PSD2: variants seen among roughly 807,000 people sequenced by gnomAD.
The protein encoded by PSD2 is PH and SEC7 domain-containing protein 2.
Under a neutral mutation model 69.8 loss-of-function variants are expected in PSD2, and 38 were observed. The observed-to-expected ratio is 0.54, with a 90% confidence interval of 0.42 to 0.71. PSD2 has a LOEUF of 0.71. Among genes scored for constraint, PSD2 ranks in the 30% least tolerant of loss-of-function variants. The pLI is 0.00. For missense variants in PSD2, 943 were observed against 1,014.5 expected (o/e 0.93, Z 0.96); for synonymous variants, 412 against 423.0 (o/e 0.97, Z 0.32).
At chr5:139,768,148 C>T in the PSD2 span, among the ~76,000 whole-genome samples, 1 of 152,188 alleles carries the variant, frequency 6.6e-6, no homozygotes, top group Non-Finnish European at 1.5e-5. Flanking sequence ...TGCCCCGGAA[C>T]CTGGAACCTT....
chr5:139,783,017 C>T, the PSD2 span, among the ~76,000 whole-genome samples: 3 of 152,338 alleles, frequency 2.0e-5, no homozygotes, highest in Non-Finnish European at 4.4e-5. Flanking sequence ...GCTCTCCCTC[C>T]AGCCTCTGGT....
intron 8 of PSD2, among the ~76,000 whole-genome samples, chr5:139,834,013 T>C (rs1401522617): frequency 6.6e-6 from 1 of 152,176 alleles, no homozygotes; most frequent in Non-Finnish European, 1.5e-5. Context: ...AGTACTCCAT[T>C]ACCACCATTA....
At chr5:139,766,907 C>CCCTCCCTTCCTT in the PSD2 span, among the ~76,000 whole-genome samples, 2 of 48,438 alleles carry the variant, frequency 4.1e-5, no homozygotes, top group African/African-American at 1.2e-4. Context: ...CTCTTTCCCT[C>CCCTCCCTTCCTT]CCTTCCTTCC....
At position 139,814,381 on chromosome 5, in the gene PSD2, C is replaced by A. The variant is rs1267334917; in HGVS notation, c.1016+17C>A. On this transcript the variant is annotated intron_variant, in intron 4 of 14. Coordinates refer to ENST00000274710, the MANE Select transcript of PSD2 (RefSeq NM_032289.4). This position sits in a 1 kb window ranked among gnomAD's most constrained non-coding sequence, Gnocchi z 4.4. ...GGGCAAGAAGTGAGTGTGAGCTCCC[C>A]TGCCCCCAACCCTGGGCAAACCTCG... 1.3e-6 allele frequency: 2 copies of A among 1,578,856 alleles called. No homozygotes were observed. Among genetic ancestry groups the A allele is most frequent in the Admixed American group, 1.8e-5 (1 of 55,662 alleles).
chr5:139,818,571 C>A (rs1561599761), intron 5 of PSD2, among the ~76,000 whole-genome samples: 1 of 152,134 alleles, frequency 6.6e-6, no homozygotes. Flanking sequence ...CAAACAAAAA[C>A]CACATACAAA....
At chr5:139,796,211 T>G (rs1334956395) in intron 1 of PSD2, among the ~76,000 whole-genome samples, 2 of 151,754 alleles carry the variant, frequency 1.3e-5, no homozygotes, top group Non-Finnish European at 2.9e-5. Context: ...GCTGGCCGGG[T>G]CTGGGCCGGG....
chr5:139,777,245 T>A, the PSD2 span, among the ~76,000 whole-genome samples: 1 of 152,210 alleles, frequency 6.6e-6, no homozygotes, highest in East Asian at 1.9e-4. Flanking sequence ...TTTTTCTCAA[T>A]ACACAAAAAA....
At chr5:139,779,912 T>A in the PSD2 span, among the ~76,000 whole-genome samples, 1 of 152,248 alleles carries the variant, frequency 6.6e-6, no homozygotes, top group East Asian at 1.9e-4. Flanking sequence ...TAATAGTTTG[T>A]TAATCCATTT....
the PSD2 span, among the ~76,000 whole-genome samples, chr5:139,766,828 C>CT: frequency 1.2e-3 from 108 of 87,812 alleles, 1 homozygote; most frequent in Middle Eastern, 6.3e-3. Context: ...AAGTCCCTTC[C>CT]TTCTTTCTTT....
At chr5:139,748,472 C>T in the PSD2 span, among the ~76,000 whole-genome samples, 1 of 152,198 alleles carries the variant, frequency 6.6e-6, no homozygotes, top group Non-Finnish European at 1.5e-5. Context: ...AGTACACTCC[C>T]AACCACCACC....
At chr5:139,782,684 G>C in the PSD2 span, among the ~76,000 whole-genome samples, 3 of 149,206 alleles carry the variant, frequency 2.0e-5, no homozygotes, top group African/African-American at 7.4e-5. Flanking sequence ...GTATAGACAG[G>C]GTTTCACCGT....
intron 9 of PSD2, 130 bp downstream of exon 9, chr5:139,835,896 T>C: frequency 1.2e-6 from 1 of 851,670 alleles, no homozygotes; most frequent in Non-Finnish European, 2.0e-6. Flanking sequence ...CTGATACCTG[T>C]GTCTAGCTGG....
At chr5:139,799,186 C>G (rs1314363179) in intron 1 of PSD2, among the ~76,000 whole-genome samples, 2 of 152,152 alleles carry the variant, frequency 1.3e-5, no homozygotes, top group Non-Finnish European at 2.9e-5. Context: ...TCACTTGGCT[C>G]AGGGGTCCCT....
chr5:139,758,475 A>G, the PSD2 span, among the ~76,000 whole-genome samples: 1 of 151,980 alleles, frequency 6.6e-6, no homozygotes, highest in African/African-American at 2.4e-5. Flanking sequence ...GCCTCGAAGG[A>G]TCTTGAAAGT....
chr5:139,809,716 T>C lies in PSD2; in HGVS notation c.276T>C (p.Asp92=). 1 of 1,614,196 alleles carries C rather than the reference T, an allele frequency of 6.2e-7. No individual in the cohort carries two copies. The highest frequency in any genetic ancestry group is 2.2e-5 in the East Asian group (1 of 44,874). The part of the protein sequence containing the change: ...ALGPDLNILE[D]SAESRPWRAG... ...GGCCAGACTTGAACATTCTGGAAGATTCAGCGGAGTCCAGGCCCTGGAGGG... is the reference window on the plus strand; with the variant it reads ...GGCCAGACTTGAACATTCTGGAAGACTCAGCGGAGTCCAGGCCCTGGAGGG... Residue 92 remains aspartate, a synonymous_variant, in exon 2 of 15, where the codon GAT becomes GAC. Transcript: ENST00000274710.
chr5:139,791,231 A>C (rs1417125001), upstream of PSD2, among the ~76,000 whole-genome samples: 1 of 151,986 alleles, frequency 6.6e-6, no homozygotes, highest in Non-Finnish European at 1.5e-5. Context: ...GGAAGTCAAG[A>C]CCAGCCTGGG....
At chr5:139,792,904 TTCC>T (rs1479116053), upstream of PSD2, among the ~76,000 whole-genome samples, 4 of 147,306 alleles carry the variant, frequency 2.7e-5, no homozygotes, top group Admixed American at 2.7e-4. Context: ...CCTTCCTTCC[TTCC>T]TTCTTTCTTT....
chr5:139,835,602 C>G (rs1156331883), intron 8 of PSD2, 121 bp from the exon 9 acceptor site: 4 of 948,680 alleles, frequency 4.2e-6, no homozygotes, highest in African/African-American at 3.2e-5. Flanking sequence ...ATGAATCAAA[C>G]ACCCACTTTG....
chr5:139,776,654 A>G, the PSD2 span, among the ~76,000 whole-genome samples: 1 of 148,880 alleles, frequency 6.7e-6, no homozygotes, highest in Non-Finnish European at 1.5e-5. Context: ...CACTTTGCTC[A>G]GGTCATTCTG....
Sources: allele counts gnomAD v4.1 joint callset (sites outside exome capture counted in the v4.1 genomes callset), GRCh38; gene constraint gnomAD v4.1.1; non-coding constraint Gnocchi (gnomAD v3.1); transcripts MANE v1.5; gene names NCBI Gene and HGNC (gene_info 2026-07-23, HGNC 2026-07-21).